The following MGAT4C variants were observed in gnomAD, a reference collection of about 807,000 sequenced individuals.
MGAT4C encodes alpha-1,3-mannosyl-glycoprotein 4-beta-N-acetylglucosaminyltransferase C.
In MGAT4C, 19 loss-of-function variants were observed where a neutral mutation model predicts 40.1. That is an observed-to-expected ratio of 0.47 (90% CI 0.33 to 0.70). The LOEUF (loss-of-function observed/expected upper bound fraction) is 0.70, where lower values mean the gene tolerates loss of function less well. MGAT4C is among the 30% of genes least tolerant of loss of function. MGAT4C has a pLI of 0.02. For missense variants in MGAT4C, 491 were observed against 563.2 expected, an observed-to-expected ratio of 0.87 and a Z score of 1.30; for synonymous variants, 181 against 187.1, an observed-to-expected ratio of 0.97 and a Z score of 0.27.
At chr12:86,733,547 C>A (rs1017968558) in intron 1 of MGAT4C, among the ~76,000 whole-genome samples, 1 of 152,020 alleles carries the variant, frequency 6.6e-6, no homozygotes, top group Non-Finnish European at 1.5e-5. Flanking sequence ...AAATGTATGT[C>A]AAGAAACCAG....
At chr12:86,174,229 G>A (rs1213782852) in intron 1 of MGAT4C, among the ~76,000 whole-genome samples, 3 of 151,066 alleles carry the variant, frequency 2.0e-5, no homozygotes, top group South Asian at 2.1e-4. Context: ...ATTATTGCAC[G>A]GAATTTACCT....
chr12:86,130,066 T>C (rs1352372610), intron 1 of MGAT4C, among the ~76,000 whole-genome samples: 4 of 152,200 alleles, frequency 2.6e-5, no homozygotes, highest in Non-Finnish European at 5.9e-5. Flanking sequence ...GTATCTATGA[T>C]TGCCTATACT....
chr12:86,211,289 G>C (rs1367670999), intron 1 of MGAT4C, among the ~76,000 whole-genome samples: 2 of 149,452 alleles, frequency 1.3e-5, no homozygotes, highest in South Asian at 2.2e-4. Flanking sequence ...ACAGCCAGGC[G>C]AGGTGGCTCA....
chr12:86,636,328 G>A, intron 2 of MGAT4C, among the ~76,000 whole-genome samples: 1 of 152,114 alleles, frequency 6.6e-6, no homozygotes, highest in Admixed American at 6.5e-5. Context: ...ACCTTCCACA[G>A]TAATGATTAT....
rs139657726 is a variant in MGAT4C, at chr12:86,829,927, GT to G, written c.-262+8738del. Reference sequence around the variant, plus strand: ...AAGGCATGTTTACATACATATCGATGTTTTTTTTACATTTATATAATAAAAA... The same window carrying G: ...AAGGCATGTTTACATACATATCGATGTTTTTTTACATTTATATAATAAAAA... On this transcript the variant is annotated intron_variant, in intron 1 of 7. Coordinates refer to the MGAT4C transcript ENST00000548651. Among the ~76,000 whole-genome samples the G allele has an allele frequency of 6.5e-3, 974 of 149,464 alleles. 32 individuals carry two copies. In the East Asian group the frequency reaches 0.1, roughly 16 times the overall value.
chr12:86,528,752 T>C (rs1958927756), intron 2 of MGAT4C, among the ~76,000 whole-genome samples: 1 of 152,104 alleles, frequency 6.6e-6, no homozygotes. Flanking sequence ...TAGTGTATGA[T>C]TCAGCCCTTT....
chr12:86,306,102 G>A (rs1953929046), intron 4 of MGAT4C, among the ~76,000 whole-genome samples: 1 of 150,394 alleles, frequency 6.6e-6, no homozygotes, highest in Non-Finnish European at 1.5e-5. Context: ...ATTAGAACTT[G>A]ATAAAAGAAT....
intron 3 of MGAT4C, among the ~76,000 whole-genome samples, chr12:85,984,953 A>AT (rs1259270705): frequency 1.3e-5 from 2 of 151,800 alleles, no homozygotes; most frequent in Admixed American, 1.3e-4. Context: ...TAATTTTAGT[A>AT]TTTTTTAGTA....
chr12:86,083,499 A>G (rs1871225420), intron 1 of MGAT4C, among the ~76,000 whole-genome samples: 1 of 151,866 alleles, frequency 6.6e-6, no homozygotes, highest in Non-Finnish European at 1.5e-5. Context: ...ATTTCCTGTC[A>G]TTTCCTCACA....
chr12:86,242,823 C>T (rs1467123938), intron 1 of MGAT4C, among the ~76,000 whole-genome samples: 1 of 152,104 alleles, frequency 6.6e-6, no homozygotes, highest in African/African-American at 2.4e-5. Context: ...ATACAACACA[C>T]ACCTCCCAGC....
intron 4 of MGAT4C, among the ~76,000 whole-genome samples, chr12:86,308,393 C>T (rs1299341904): frequency 6.6e-6 from 1 of 150,460 alleles, no homozygotes; most frequent in Non-Finnish European, 1.5e-5. Flanking sequence ...ATACAGATTT[C>T]TGAAAGGTTT....
At chr12:86,514,368 A>T (rs948613340) in intron 2 of MGAT4C, among the ~76,000 whole-genome samples, 1 of 152,230 alleles carries the variant, frequency 6.6e-6, no homozygotes, top group African/African-American at 2.4e-5. Flanking sequence ...TACGTGGCTT[A>T]AAATGACACG....
At chr12:86,318,104 C>T (rs1954291360) in intron 4 of MGAT4C, among the ~76,000 whole-genome samples, 1 of 151,814 alleles carries the variant, frequency 6.6e-6, no homozygotes, top group African/African-American at 2.4e-5. Flanking sequence ...GAAAAAGAAG[C>T]TGGAAGTACA....
intron 3 of MGAT4C, among the ~76,000 whole-genome samples, chr12:86,344,875 A>G (rs1954994804): frequency 6.6e-6 from 1 of 152,024 alleles, no homozygotes; most frequent in Non-Finnish European, 1.5e-5. Context: ...TATTTAATCC[A>G]TCAAACATAA....
chr12:86,609,433 A>G (rs962677749), intron 2 of MGAT4C, among the ~76,000 whole-genome samples: 2 of 152,136 alleles, frequency 1.3e-5, no homozygotes, highest in African/African-American at 4.8e-5. Flanking sequence ...GAAGACTGTT[A>G]CTTTTCTGTC....
chr12:86,358,179 A>G (rs949233784), intron 3 of MGAT4C, among the ~76,000 whole-genome samples: 1 of 152,198 alleles, frequency 6.6e-6, no homozygotes, highest in Non-Finnish European at 1.5e-5. Flanking sequence ...AATATACAAC[A>G]TTCTTAAAGA....
chr12:86,306,792 T>G (rs1953943369), intron 4 of MGAT4C, among the ~76,000 whole-genome samples: 1 of 150,424 alleles, frequency 6.6e-6, no homozygotes, highest in Non-Finnish European at 1.5e-5. Flanking sequence ...CTACAAATAT[T>G]TTTGAAATGT....
Position 86,303,845 on chromosome 12 carries a change from C to G in MGAT4C, c.-57+30220G>C, listed in dbSNP as rs534300180. On this transcript the variant is annotated intron_variant, in intron 4 of 7. Coordinates refer to the MGAT4C transcript ENST00000548651. ...GAATGTGGTAATTTTTACTTTGTTA[C>G]GTTGTGAAAGCCAATGTCTTTCTCT... 1.7e-3 allele frequency among the ~76,000 whole-genome samples: 254 copies of G among 150,518 alleles called. 24 individuals carry two copies. Among genetic ancestry groups the G allele is most frequent in the African/African-American group, 6.2e-3 (247 of 39,992 alleles).
At chr12:86,571,638 T>G (rs142149101) in intron 2 of MGAT4C, among the ~76,000 whole-genome samples, 136 of 152,224 alleles carry the variant, frequency 8.9e-4, no homozygotes, top group South Asian at 6.6e-3. Flanking sequence ...CGTGCATATG[T>G]GTGTATTTAT....
Sources: allele counts gnomAD v4.1 joint callset (sites outside exome capture counted in the v4.1 genomes callset), GRCh38; gene constraint gnomAD v4.1.1; transcripts MANE v1.5; gene names NCBI Gene and HGNC (gene_info 2026-07-23, HGNC 2026-07-21).